Variants in TEX11 observed in about 807,000 individuals in gnomAD.
TEX11 encodes testis expressed 11.
TEX11 carries 7 observed loss-of-function variants against 84.4 expected under a neutral mutation model. The observed-to-expected ratio is 0.08, with a 90% CI of 0.05 to 0.16. The LOEUF is 0.16. Among genes scored for constraint, TEX11 ranks in the 10% least tolerant of loss-of-function variants. The pLI is 1.00. For synonymous variants in TEX11, 264 were observed against 222.8 expected (o/e 1.18, Z -1.64); for missense variants, 551 against 660.5 (o/e 0.83, Z 1.82).
intron 7 of TEX11, among the ~76,000 whole-genome samples, chrX:70,841,744 A>G (rs190352673): frequency 0.021 from 2,153 of 100,276 alleles, 38 homozygotes; most frequent in African/African-American, 0.076. Context: ...CAAGACTAAT[A>G]AAGAAGAAAA....
rs148937464 is a variant in TEX11 at position 70,798,785 on chromosome X, C to T, written c.692+7920G>A. Among the ~76,000 whole-genome samples the T allele has an allele frequency of 8.1e-3, 899 of 111,586 alleles. 7 individuals carry two copies. Among genetic ancestry groups the T allele is most frequent in the African/African-American group, 0.028 (865 of 30,842 alleles). On this transcript the variant is annotated intron_variant, in intron 9 of 29. Transcript: ENST00000374333. Reference sequence around the variant, plus strand: ...ATGGTGTTGGAAAAACCTGGATATCCACATACAGAAGAATAAAATTGGAAC... The same window carrying T: ...ATGGTGTTGGAAAAACCTGGATATCTACATACAGAAGAATAAAATTGGAAC...
At chrX:70,691,091 A>C (rs2147669045) in intron 13 of TEX11, among the ~76,000 whole-genome samples, 1 of 112,196 alleles carries the variant, frequency 8.9e-6, no homozygotes. Flanking sequence ...AAGATGCTCA[A>C]AATCACCAAC....
intron 13 of TEX11, among the ~76,000 whole-genome samples, chrX:70,690,853 C>A (rs2090228740): frequency 9.1e-6 from 1 of 110,030 alleles, no homozygotes; most frequent in Non-Finnish European, 1.9e-5. Context: ...GCAGCATAGA[C>A]TAAAAAAAAA....
chrX:70,665,094 C>T (rs956005191), intron 16 of TEX11, among the ~76,000 whole-genome samples: 1 of 110,675 alleles, frequency 9.0e-6, no homozygotes, highest in African/African-American at 3.3e-5. Flanking sequence ...AGTCTTACAG[C>T]CATTCTGTGG....
chrX:70,886,626 C>T (rs778932467), intron 2 of TEX11, among the ~76,000 whole-genome samples: 1 of 112,069 alleles, frequency 8.9e-6, no homozygotes, highest in South Asian at 3.7e-4. Flanking sequence ...AACTCCAAAG[C>T]TAAACAGGTG....
chrX:70,791,851 T>C (rs58266473), intron 9 of TEX11, among the ~76,000 whole-genome samples: 26,007 of 110,643 alleles, frequency 0.24, 2,370 homozygotes, highest in Admixed American at 0.42. Context: ...GGATGGGCCA[T>C]GCAGTGGCTC....
rs896341327 is a variant in TEX11 at position 70,648,097 on chromosome X, A to G, written c.1483+3353T>C. Among the ~76,000 whole-genome samples, 6 of 111,624 alleles carry G rather than the reference A, an allele frequency of 5.4e-5. No individual in the cohort carries two copies. In the East Asian group the frequency reaches 1.4e-3, roughly 26 times the overall value. On this transcript the variant is annotated intron_variant, in intron 17 of 29. Coordinates refer to ENST00000374333, the MANE Select transcript of TEX11 (RefSeq NM_031276.3). ...ATTATGCAGCCATAAAAAATGATGA[A>G]TTCATGTCCTTTGTAGGGACATGGA... is the stretch of plus-strand genomic sequence containing the variant.
chrX:70,723,012 CACTTGCT>C (rs1328992695), intron 12 of TEX11, among the ~76,000 whole-genome samples: 1 of 111,412 alleles, frequency 9.0e-6, no homozygotes, highest in Non-Finnish European at 1.9e-5. Context: ...AATTTGAAAC[CACTTGCT>C]ACTTGTATGG....
chrX:70,601,911 A>T (rs1275289762), intron 24 of TEX11, among the ~76,000 whole-genome samples: 1 of 110,739 alleles, frequency 9.0e-6, no homozygotes, highest in African/African-American at 3.3e-5. Context: ...TACAGAACAA[A>T]ATGAAAAGTC....
intron 25 of TEX11, among the ~76,000 whole-genome samples, chrX:70,582,179 C>T (rs2088785440): frequency 9.0e-6 from 1 of 111,073 alleles, no homozygotes; most frequent in South Asian, 3.8e-4. Context: ...TCCCTAATGC[C>T]CAACTTAATA....
intron 16 of TEX11, among the ~76,000 whole-genome samples, chrX:70,657,087 C>T (rs1413373639): frequency 8.9e-6 from 1 of 112,307 alleles, no homozygotes; most frequent in Non-Finnish European, 1.9e-5. Flanking sequence ...TCATTAGCCA[C>T]ACATGGCTAT....
chrX:70,628,415 G>T (rs2089473155), intron 18 of TEX11, among the ~76,000 whole-genome samples: 1 of 110,894 alleles, frequency 9.0e-6, no homozygotes, highest in African/African-American at 3.3e-5. Flanking sequence ...TCTTTCCAAA[G>T]CCCAACTTAA....
intron 17 of TEX11, among the ~76,000 whole-genome samples, chrX:70,640,033 A>C (rs2089632025): frequency 1.8e-5 from 2 of 108,190 alleles, no homozygotes; most frequent in Non-Finnish European, 3.9e-5. Context: ...AAAATTTAGA[A>C]GAATGTATAA....
chrX:70,710,935 C>T (rs989440330), intron 13 of TEX11, among the ~76,000 whole-genome samples: 2 of 109,332 alleles, frequency 1.8e-5, no homozygotes, highest in African/African-American at 6.7e-5. Context: ...CTATCCCTCC[C>T]CACTCCCCCC....
At chrX:70,878,475 G>T (rs2091667370) in intron 3 of TEX11, among the ~76,000 whole-genome samples, 1 of 110,803 alleles carries the variant, frequency 9.0e-6, no homozygotes. Context: ...CCAGCCAACT[G>T]GATCCCTCTT....
At chrX:70,544,874 A>C (rs4844123) in intron 28 of TEX11, among the ~76,000 whole-genome samples, 7,634 of 106,480 alleles carry the variant, frequency 0.072, 374 homozygotes, top group Admixed American at 0.22. Context: ...AAAAACAAAC[A>C]AAAAAACCCA....
In TEX11 at chrX:70,552,013, T is replaced by C. The variant is rs1201567489; in HGVS notation, c.2520+113A>G. 4.6e-6 allele frequency: 4 copies of C among 862,193 alleles called. No individual in the cohort carries two copies. In the African/African-American group the frequency reaches 8.4e-5, roughly 18 times the overall value. The allele number at this position is 862,193 out of a possible 1,213,427, so 71.1% of individuals were successfully genotyped here. ...AGTGTGTAACTACAAAATTGTAATA[T>C]GAATTTATCCTAAAACTCATATCAG... On this transcript the variant is annotated intron_variant, in intron 28 of 29. Coordinates refer to ENST00000374333, the MANE Select transcript of TEX11 (RefSeq NM_031276.3).
At chrX:70,655,152 A>G (rs1291845826) in intron 16 of TEX11, among the ~76,000 whole-genome samples, 1 of 111,854 alleles carries the variant, frequency 8.9e-6, no homozygotes, top group Non-Finnish European at 1.9e-5. Flanking sequence ...AAATAGATCA[A>G]TTCAAACCAT....
At chrX:70,806,589 C>T in intron 9 of TEX11, 116 bp downstream of exon 9, 1 of 475,449 alleles carries the variant, frequency 2.1e-6, no homozygotes, top group East Asian at 3.9e-5. Context: ...ATAAATATAG[C>T]ATGTTGGCTT....
Sources: gnomAD v4.1 joint callset for allele counts (sites outside exome capture counted in the v4.1 genomes callset) on GRCh38, gnomAD v4.1.1 for gene constraint, MANE v1.5 for transcripts, NCBI Gene and HGNC (gene_info 2026-07-23, HGNC 2026-07-21) for gene names.